Variants in EYA4 observed in about 807,000 individuals in gnomAD.
The protein encoded by EYA4 is protein phosphatase EYA4.
EYA4 carries 31 observed loss-of-function variants against 87.9 expected under a neutral mutation model. The ratio of observed to expected loss-of-function variants is 0.35; its 90% confidence interval spans 0.27 to 0.48. The LOEUF (loss-of-function observed/expected upper bound fraction) is 0.48. Among genes scored for constraint, EYA4 ranks in the 20% least tolerant of loss-of-function variants. The pLI, the probability that EYA4 is intolerant of heterozygous loss-of-function variation, is 0.99. For synonymous variants in EYA4, 263 were observed against 270.6 expected (o/e 0.97, Z 0.28); for missense variants, 678 against 761.4 (o/e 0.89, Z 1.29).
chr6:133,524,035 G>A (rs1207949367), intron 18 of EYA4, among the ~76,000 whole-genome samples: 1 of 152,152 alleles, frequency 6.6e-6, no homozygotes, highest in Non-Finnish European at 1.5e-5. Flanking sequence ...TCCAGTGGCA[G>A]CTGTTTCAAG....
chr6:133,269,647 A>C (rs1466441558), intron 1 of EYA4, among the ~76,000 whole-genome samples: 2 of 152,250 alleles, frequency 1.3e-5, no homozygotes, highest in Non-Finnish European at 2.9e-5. Context: ...GAAATTGAAG[A>C]AATTAAGACC....
intron 13 of EYA4, among the ~76,000 whole-genome samples, chr6:133,505,117 CTCTTA>C (rs1469363237): frequency 6.6e-6 from 1 of 152,176 alleles, no homozygotes; most frequent in Admixed American, 6.5e-5. Flanking sequence ...TTTTTTCTTT[CTCTTA>C]TCTTCGGAGT....
chr6:133,369,414 T>A (rs1054665491), intron 2 of EYA4, among the ~76,000 whole-genome samples: 1 of 152,226 alleles, frequency 6.6e-6, no homozygotes, highest in African/African-American at 2.4e-5. Flanking sequence ...TTACATAAAA[T>A]GTTAACATCT....
intron 5 of EYA4, among the ~76,000 whole-genome samples, chr6:133,449,655 T>C (rs191974811): frequency 5.3e-5 from 8 of 152,324 alleles, no homozygotes; most frequent in Admixed American, 3.9e-4. Context: ...TTAAGCTCTC[T>C]GAGCTTCAAT....
intron 1 of EYA4, among the ~76,000 whole-genome samples, chr6:133,267,593 G>T (rs1776327751): frequency 6.6e-6 from 1 of 152,162 alleles, no homozygotes; most frequent in Non-Finnish European, 1.5e-5. Flanking sequence ...ATGTTGGTCA[G>T]GCTGGTCTCG....
At position 133,461,810 on chromosome 6, in the gene EYA4, C is replaced by CTTT. The variant is rs11450141; in HGVS notation, c.438-509_438-507dup. On this transcript the variant is annotated intron_variant, in intron 7 of 19. Transcript: ENST00000355286. ...TGGCATGATGAAAGGAATGATGTTC[C>CTTT]TTTTTTTTTTTTTTTTTTAAGGAAG... 1.3e-3 allele frequency among the ~76,000 whole-genome samples: 173 copies of CTTT among 129,892 alleles called. 2 individuals carry two copies. The highest frequency in any genetic ancestry group is 4.3e-3 in the Middle Eastern group (1 of 230). 85.2% of individuals were successfully genotyped at this position (129,892 alleles called of 152,430 possible).
chr6:133,367,192 C>T (rs1414510323), intron 2 of EYA4, among the ~76,000 whole-genome samples: 3 of 152,116 alleles, frequency 2.0e-5, no homozygotes, highest in Non-Finnish European at 4.4e-5. Flanking sequence ...ACTGAGGCTA[C>T]TGTGTTAGCT....
chr6:133,468,835 T>C, intron 11 of EYA4, 104 bp downstream of exon 11: 1 of 1,144,274 alleles, frequency 8.7e-7, no homozygotes, highest in Non-Finnish European at 1.3e-6. Flanking sequence ...TCCCAGATAA[T>C]TGTGCTGATG....
intron 13 of EYA4, among the ~76,000 whole-genome samples, chr6:133,491,717 C>T (rs930630159): frequency 2.0e-5 from 3 of 151,854 alleles, no homozygotes; most frequent in Non-Finnish European, 2.9e-5. Flanking sequence ...TTTGGGAGGC[C>T]GAGGTGGGCA....
intron 3 of EYA4, among the ~76,000 whole-genome samples, chr6:133,419,843 C>A (rs1790066324): frequency 6.6e-6 from 1 of 152,156 alleles, no homozygotes; most frequent in Non-Finnish European, 1.5e-5. Flanking sequence ...TGGTGCCTAG[C>A]ATGGCAGCCA....
intron 3 of EYA4, among the ~76,000 whole-genome samples, chr6:133,414,901 C>G (rs931193047): frequency 6.6e-6 from 1 of 152,072 alleles, no homozygotes; most frequent in Non-Finnish European, 1.5e-5. Context: ...CAGTTATGGA[C>G]TTTTATTGAT....
chr6:133,517,325 C>T (rs1192059686), intron 17 of EYA4, among the ~76,000 whole-genome samples: 1 of 151,958 alleles, frequency 6.6e-6, no homozygotes, highest in Non-Finnish European at 1.5e-5. Flanking sequence ...CCCCCCATGA[C>T]ACAAGTTAAC....
At chr6:133,435,956 C>G (rs7450660) in intron 3 of EYA4, among the ~76,000 whole-genome samples, 1 of 152,132 alleles carries the variant, frequency 6.6e-6, no homozygotes, top group Non-Finnish European at 1.5e-5. Flanking sequence ...CGCGGTGGCT[C>G]ACACCTGTAA....
intron 13 of EYA4, among the ~76,000 whole-genome samples, chr6:133,485,083 A>G: frequency 6.6e-6 from 1 of 152,238 alleles, no homozygotes; most frequent in East Asian, 1.9e-4. Context: ...CAATTTACTC[A>G]TAAACTGGCT....
At chr6:133,468,538 A>G (rs1235770668) in intron 10 of EYA4, 28 bp from the exon 11 acceptor site, 1 of 1,572,166 alleles carries the variant, frequency 6.4e-7, no homozygotes, top group East Asian at 2.2e-5. Flanking sequence ...TTCTCTTTCA[A>G]ACACACACAT....
At chr6:133,303,081 G>A (rs1158926471) in intron 2 of EYA4, among the ~76,000 whole-genome samples, 1 of 152,046 alleles carries the variant, frequency 6.6e-6, no homozygotes, top group Admixed American at 6.6e-5. Flanking sequence ...GGATGGATTT[G>A]GTATATGGGC....
chr6:133,517,627 A>G (rs1277622916), intron 17 of EYA4, among the ~76,000 whole-genome samples: 2 of 152,192 alleles, frequency 1.3e-5, no homozygotes, highest in African/African-American at 4.8e-5. Context: ...GCAGAGCTGC[A>G]TGGATAGCAG....
intron 2 of EYA4, among the ~76,000 whole-genome samples, chr6:133,308,260 A>G (rs2128326603): frequency 6.6e-6 from 1 of 152,318 alleles, no homozygotes; most frequent in African/African-American, 2.4e-5. Flanking sequence ...CAATGCAGGC[A>G]TTATTCCTGT....
At chr6:133,498,800 T>G (rs1797856100) in intron 13 of EYA4, among the ~76,000 whole-genome samples, 1 of 152,208 alleles carries the variant, frequency 6.6e-6, no homozygotes, top group South Asian at 2.1e-4. Flanking sequence ...TCTCGAACTC[T>G]TCCCTAGGGA....
Sources: allele counts gnomAD v4.1 joint callset (sites outside exome capture counted in the v4.1 genomes callset), GRCh38; gene constraint gnomAD v4.1.1; transcripts MANE v1.5; gene names NCBI Gene and HGNC (gene_info 2026-07-23, HGNC 2026-07-21).